The following PTGER3 variants were observed in gnomAD, a reference collection of about 807,000 sequenced individuals.
PTGER3 encodes prostaglandin E receptor 3.
PTGER3 carries 22 observed loss-of-function variants against 34.7 expected under a neutral mutation model. That is an observed-to-expected ratio of 0.63 (90% CI 0.45 to 0.91). PTGER3 has a LOEUF of 0.91. Among genes scored for constraint, PTGER3 ranks in the 40% least tolerant of loss-of-function variants. The pLI is 0.00. For synonymous variants in PTGER3, 241 were observed against 230.1 expected (o/e 1.05, Z -0.43); for missense variants, 468 against 519.4 (o/e 0.90, Z 0.96).
intron 4 of PTGER3, among the ~76,000 whole-genome samples, chr1:70,893,751 G>A (rs953665754): frequency 2.0e-5 from 3 of 152,164 alleles, no homozygotes; most frequent in African/African-American, 7.2e-5. Flanking sequence ...CTACTGCCAA[G>A]ATGAACGTAT....
chr1:70,852,619 C>A, exon 5 of PTGER3: 2 of 598,698 alleles, frequency 3.3e-6, no homozygotes, highest in Non-Finnish European at 5.9e-6. Context: ...AACAATAGGA[C>A]ATAAGTTTAA....
intron 4 of PTGER3, among the ~76,000 whole-genome samples, chr1:70,939,999 A>AT (rs1649608444): frequency 6.6e-6 from 1 of 152,192 alleles, no homozygotes; most frequent in Non-Finnish European, 1.5e-5. Context: ...CAAATTTTCC[A>AT]AACTTTTAAG....
rs757189125 is a variant in PTGER3 at position 70,953,061 on chromosome 1, T to A, written c.1105-2A>T. On this transcript the variant is annotated splice_acceptor_variant, in intron 3 of 3. Transcript: ENST00000356595. LOFTEE classifies it high-confidence loss of function. ...AGAGTTCTGCAAACTGCAGATTAAC[T>A]AACCACAGATCAAAATATTGAGAAA... 1 of 1,580,962 alleles carries A rather than the reference T, an allele frequency of 6.3e-7. No homozygotes were observed. Among genetic ancestry groups the A allele is most frequent in the South Asian group, 1.2e-5 (1 of 83,048 alleles).
chr1:71,030,057 C>T (rs1312053950), intron 1 of PTGER3, among the ~76,000 whole-genome samples: 2 of 152,066 alleles, frequency 1.3e-5, no homozygotes, highest in African/African-American at 4.8e-5. Context: ...ACAAAGTCCA[C>T]ATTTCTGAGT....
chr1:70,944,181 G>A (rs1650013501), intron 4 of PTGER3, among the ~76,000 whole-genome samples: 1 of 151,964 alleles, frequency 6.6e-6, no homozygotes, highest in African/African-American at 2.4e-5. Context: ...CTCTATTCTA[G>A]TCTATAAAGC....
intron 4 of PTGER3, among the ~76,000 whole-genome samples, chr1:70,908,385 C>G (rs1441141430): frequency 6.6e-6 from 1 of 152,162 alleles, no homozygotes; most frequent in Non-Finnish European, 1.5e-5. Context: ...CAGCCAATGA[C>G]TGACCCACCA....
At chr1:70,885,791 G>A (rs1274829565) in intron 4 of PTGER3, among the ~76,000 whole-genome samples, 1 of 152,184 alleles carries the variant, frequency 6.6e-6, no homozygotes, top group Non-Finnish European at 1.5e-5. Context: ...TGCTATTACA[G>A]TTGTGTACAA....
chr1:70,999,577 A>C (rs1656288898), intron 2 of PTGER3, among the ~76,000 whole-genome samples: 1 of 152,200 alleles, frequency 6.6e-6, no homozygotes, highest in Non-Finnish European at 1.5e-5. Context: ...TGATAATCAG[A>C]ATAGTTTCAC....
intron 1 of PTGER3, among the ~76,000 whole-genome samples, chr1:71,041,394 A>G (rs757682333): frequency 2.0e-5 from 3 of 152,210 alleles, no homozygotes; most frequent in South Asian, 2.1e-4. Context: ...CACTAGCCCA[A>G]TAGAAGATCG....
At position 70,852,861 on chromosome 1, in the gene PTGER3, T is replaced by C. The variant is rs771313137; in HGVS notation, c.*24-2A>G. Reference sequence around the variant, plus strand: ...GTTTTAATTTCCCCAAAATTCCTCCTGGAAAACAAACAAATCAATTAGGAT... The same window carrying C: ...GTTTTAATTTCCCCAAAATTCCTCCCGGAAAACAAACAAATCAATTAGGAT... On this transcript the variant is annotated splice_acceptor_variant, in intron 4 of 4. Coordinates refer to the PTGER3 transcript ENST00000370931. LOFTEE classifies it low-confidence loss of function (3UTR_SPLICE). The C allele has an allele frequency of 6.2e-7, 1 of 1,613,244 alleles. No homozygotes were observed. Among genetic ancestry groups the C allele is most frequent in the Non-Finnish European group, 8.5e-7 (1 of 1,179,328 alleles).
intron 1 of PTGER3, among the ~76,000 whole-genome samples, chr1:71,039,376 A>C (rs1300647333): frequency 6.6e-6 from 1 of 151,940 alleles, no homozygotes; most frequent in Non-Finnish European, 1.5e-5. Context: ...AATACCTTAT[A>C]AAAATTTAGG....
intron 4 of PTGER3, among the ~76,000 whole-genome samples, chr1:70,865,449 G>A (rs530593067): frequency 1.3e-5 from 2 of 152,164 alleles, no homozygotes; most frequent in Admixed American, 6.5e-5. Context: ...AATTAACAGT[G>A]GACACAGAAA....
intron 1 of PTGER3, among the ~76,000 whole-genome samples, chr1:71,019,394 T>G (rs560102991): frequency 6.6e-6 from 1 of 152,292 alleles, no homozygotes; most frequent in African/African-American, 2.4e-5. Flanking sequence ...AGCTGTTCTG[T>G]CAGCCCCTTC....
At chr1:70,985,162 C>T (rs1416202372) in intron 2 of PTGER3, among the ~76,000 whole-genome samples, 1 of 152,094 alleles carries the variant, frequency 6.6e-6, no homozygotes, top group East Asian at 1.9e-4. Flanking sequence ...TTACGATGGC[C>T]TCAGAGTCAA....
intron 4 of PTGER3, among the ~76,000 whole-genome samples, chr1:70,943,554 T>A (rs1649946793): frequency 2.0e-5 from 3 of 152,168 alleles, no homozygotes; most frequent in Admixed American, 2.0e-4. Context: ...CTGTTGCTAT[T>A]TTGTCAACAT....
intron 1 of PTGER3, among the ~76,000 whole-genome samples, chr1:71,018,162 A>T (rs1276371536): frequency 6.6e-6 from 1 of 152,190 alleles, no homozygotes; most frequent in Non-Finnish European, 1.5e-5. Context: ...ATATGCCCAC[A>T]CACTGAGCTC....
intron 2 of PTGER3, among the ~76,000 whole-genome samples, chr1:70,965,341 G>T (rs1478321476): frequency 6.6e-6 from 1 of 152,104 alleles, no homozygotes; most frequent in East Asian, 1.9e-4. Context: ...AAAATGGATG[G>T]AGGGGCCAGG....
Position 71,047,715 on chromosome 1 carries a change from C to T in PTGER3, c.-138G>A. 1.1e-6 allele frequency: 1 copy of T among 917,516 alleles called. No individual in the cohort carries two copies. The highest frequency in any genetic ancestry group is 1.5e-6 in the Non-Finnish European group (1 of 684,342). 56.8% of individuals were successfully genotyped at this position (917,516 alleles called of 1,614,324 possible). On this transcript the variant is annotated 5_prime_UTR_variant, in exon 1 of 4. Coordinates refer to ENST00000306666, the MANE Select transcript of PTGER3 (RefSeq NM_198719.2). Reference sequence around the variant, plus strand: ...CCCCCATGGTGCGGGGCGCAGCCGCCGCCCTACTCCGCTGCTGGGACCGCG... The same window carrying T: ...CCCCCATGGTGCGGGGCGCAGCCGCTGCCCTACTCCGCTGCTGGGACCGCG...
downstream of PTGER3, among the ~76,000 whole-genome samples, chr1:70,965,845 G>C (rs950988380): frequency 8.5e-5 from 13 of 152,260 alleles, no homozygotes; most frequent in African/African-American, 3.1e-4. Flanking sequence ...TAGGATTTCA[G>C]AGCTTGTTAC....
Sources: gnomAD v4.1 joint callset for allele counts (sites outside exome capture counted in the v4.1 genomes callset) on GRCh38, gnomAD v4.1.1 for gene constraint, MANE v1.5 for transcripts, NCBI Gene and HGNC (gene_info 2026-07-23, HGNC 2026-07-21) for gene names.